THSD7A: variants seen among roughly 807,000 people sequenced by gnomAD.
The protein encoded by THSD7A is thrombospondin type 1 domain containing 7A, also known as thrombospondin type-1 domain-containing protein 7A.
THSD7A carries 96 observed loss-of-function variants against 231.3 expected under a neutral mutation model. The observed-to-expected ratio is 0.41, with a 90% confidence interval of 0.35 to 0.49. The LOEUF (loss-of-function observed/expected upper bound fraction) is 0.49, where lower values mean the gene tolerates loss of function less well. Ranked by LOEUF, THSD7A falls within the 20% of genes least tolerant of loss-of-function variation. The probability of loss-of-function intolerance (pLI) is 0.05; values close to 1 mark genes in which losing one functional copy is unlikely to be tolerated. For synonymous variants in THSD7A, 940 were observed against 743.3 expected, an observed-to-expected ratio of 1.26 and a Z score of -4.30; for missense variants, 2,290 against 2,070.2, an observed-to-expected ratio of 1.11 and a Z score of -2.06.
chr7:11,668,372 C>T (rs920195961), intron 1 of THSD7A, among the ~76,000 whole-genome samples: 3 of 151,304 alleles, frequency 2.0e-5, no homozygotes, highest in South Asian at 2.1e-4. Context: ...GAGCCAAGAT[C>T]GTGCCATTGC....
chr7:11,782,003 C>T (rs2128174960), intron 1 of THSD7A, among the ~76,000 whole-genome samples: 1 of 152,070 alleles, frequency 6.6e-6, no homozygotes, highest in East Asian at 1.9e-4. Flanking sequence ...CTAATTGTAC[C>T]CCTCCCCCTA....
intron 1 of THSD7A, among the ~76,000 whole-genome samples, chr7:11,736,984 A>G (rs573037710): frequency 2.0e-5 from 3 of 151,920 alleles, no homozygotes; most frequent in Non-Finnish European, 2.9e-5. Context: ...CTGGGCTCTC[A>G]TTCTTCTCTC....
In THSD7A at chr7:11,763,100, A is replaced by C. The variant is rs566584581; in HGVS notation, c.190+68657T>G. On this transcript the variant is annotated intron_variant, in intron 1 of 27. Transcript: ENST00000423059. ...CTATCACTGACCAGAAAAAGACAAA[A>C]GCTAACAACCCCCCACACTTTGCCA... is the stretch of plus-strand genomic sequence containing the variant. Among the ~76,000 whole-genome samples the C allele has an allele frequency of 1.9e-4, 29 of 152,310 alleles. No homozygotes were observed. The South Asian group carries it at 5.2e-3, about 27-fold the overall frequency.
chr7:11,675,417 G>A (rs924039570), intron 1 of THSD7A, among the ~76,000 whole-genome samples: 6 of 152,014 alleles, frequency 3.9e-5, no homozygotes, highest in African/African-American at 1.5e-4. Context: ...GAGACAGAAC[G>A]GTTCACTCCC....
intron 11 of THSD7A, among the ~76,000 whole-genome samples, chr7:11,456,406 T>A (rs1352259258): frequency 1.3e-5 from 2 of 152,080 alleles, no homozygotes; most frequent in Non-Finnish European, 2.9e-5. Context: ...ATTTCATCCT[T>A]AAAGGCAGAT....
rs138737370 is a variant in THSD7A at position 11,474,295 on chromosome 7, T to A, written c.2252+39A>T. On this transcript the variant is annotated intron_variant, in intron 8 of 27. Coordinates refer to ENST00000423059, the MANE Select transcript of THSD7A (RefSeq NM_015204.3). The surrounding 1 kb of genome is among the most constrained non-coding windows in gnomAD (Gnocchi z 4.1). ...AGCCTGAGCCAATCCTCTGCACAGG[T>A]GGCTACACGATTTACTGTTGTCATT... 1 of 1,545,722 alleles carries A rather than the reference T, an allele frequency of 6.5e-7. No individual in the cohort carries two copies. Among genetic ancestry groups the A allele is most frequent in the South Asian group, 1.2e-5 (1 of 82,594 alleles).
chr7:11,373,183 T>C lies in THSD7A; in HGVS notation c.*2611A>G, dbSNP rs531886074. On this transcript the variant is annotated 3_prime_UTR_variant, in exon 28 of 28. Coordinates refer to ENST00000423059, the MANE Select transcript of THSD7A (RefSeq NM_015204.3). ...TTTTGATTTGCTAATTTAATTCTTA[T>C]AGGTAGGATGATACTAATCTTTTCT... 1.3e-5 allele frequency: 2 copies of C among 152,136 alleles called. No individual in the cohort carries two copies. Among genetic ancestry groups the C allele is most frequent in the South Asian group, 4.1e-4 (2 of 4,820 alleles). 9.4% of individuals were successfully genotyped at this position (152,136 alleles called of 1,614,324 possible).
intron 1 of THSD7A, among the ~76,000 whole-genome samples, chr7:11,771,971 G>T (rs907599591): frequency 6.6e-6 from 1 of 152,184 alleles, no homozygotes; most frequent in Admixed American, 6.5e-5. Context: ...CGCCATGGTT[G>T]AAAGTTTGCT....
intron 1 of THSD7A, among the ~76,000 whole-genome samples, chr7:11,769,138 TATATATATATATATA>T (rs1400173716): frequency 8.4e-5 from 5 of 59,280 alleles, no homozygotes; most frequent in Non-Finnish European, 1.4e-4. Flanking sequence ...TATATATATA[TATATATATATATATA>T]TTTTTTTTTT....
intron 4 of THSD7A, among the ~76,000 whole-genome samples, chr7:11,569,752 A>C (rs1022249502): frequency 4.6e-5 from 7 of 152,258 alleles, no homozygotes; most frequent in Non-Finnish European, 8.8e-5. Context: ...CACTATTTAT[A>C]GCCAAGATTT....
At chr7:11,485,729 G>A (rs1387368450) in intron 6 of THSD7A, among the ~76,000 whole-genome samples, 1 of 152,130 alleles carries the variant, frequency 6.6e-6, no homozygotes, top group East Asian at 1.9e-4. Context: ...GTAAATAATA[G>A]ATAAGGCTTT....
intron 1 of THSD7A, among the ~76,000 whole-genome samples, chr7:11,689,904 T>C (rs1300928086): frequency 1.3e-5 from 2 of 149,776 alleles, no homozygotes; most frequent in Admixed American, 1.3e-4. Flanking sequence ...CACATTAAAT[T>C]CAAATCTTTA....
chr7:11,441,955 CAT>C (rs1784819992), intron 13 of THSD7A, among the ~76,000 whole-genome samples: 1 of 151,928 alleles, frequency 6.6e-6, no homozygotes, highest in African/African-American at 2.4e-5. Flanking sequence ...AGGTTCTGCA[CAT>C]GTTTCCCAGA....
chr7:11,711,700 C>A lies in THSD7A; in HGVS notation c.191-74739G>T, dbSNP rs114054572. Among the ~76,000 whole-genome samples the A allele has an allele frequency of 8.4e-3, 1,273 of 151,218 alleles. 16 individuals carry two copies. The highest frequency in any genetic ancestry group is 0.029 in the African/African-American group (1,203 of 41,448). Reference sequence around the variant, plus strand: ...CTGGTTACTTCCCAGTGAGAACTGGCAGAAGTATGTAACTTCATAGAAAAC... The same window carrying A: ...CTGGTTACTTCCCAGTGAGAACTGGAAGAAGTATGTAACTTCATAGAAAAC... On this transcript the variant is annotated intron_variant, in intron 1 of 27. Transcript: ENST00000423059.
intron 1 of THSD7A, among the ~76,000 whole-genome samples, chr7:11,705,013 TAA>T: frequency 6.6e-6 from 1 of 151,282 alleles, no homozygotes; most frequent in African/African-American, 2.4e-5. Flanking sequence ...ACGTCAGAAC[TAA>T]GTGTCTTTTA....
intron 4 of THSD7A, among the ~76,000 whole-genome samples, chr7:11,556,278 T>G (rs947074162): frequency 1.3e-5 from 2 of 151,306 alleles, no homozygotes; most frequent in Non-Finnish European, 3.0e-5. Context: ...GTCATATATA[T>G]GGGTGTGTAT....
intron 2 of THSD7A, among the ~76,000 whole-genome samples, chr7:11,593,848 T>C (rs548275164): frequency 1.8e-4 from 28 of 152,354 alleles, no homozygotes; most frequent in African/African-American, 5.5e-4. Context: ...TGTTAACATA[T>C]GCTAATTTCC....
At chr7:11,644,255 G>C (rs1782200816) in intron 1 of THSD7A, among the ~76,000 whole-genome samples, 1 of 151,888 alleles carries the variant, frequency 6.6e-6, no homozygotes, top group East Asian at 1.9e-4. Context: ...TTAAATGTCT[G>C]TCTTAAAATA....
intron 6 of THSD7A, among the ~76,000 whole-genome samples, chr7:11,511,037 T>C (rs1351676872): frequency 6.6e-6 from 1 of 152,126 alleles, no homozygotes; most frequent in Admixed American, 6.5e-5. Context: ...GAAAACCCCA[T>C]CGTCTCAGCC....
Sources: allele counts gnomAD v4.1 joint callset (sites outside exome capture counted in the v4.1 genomes callset), GRCh38; gene constraint gnomAD v4.1.1; non-coding constraint Gnocchi (gnomAD v3.1); transcripts MANE v1.5; gene names NCBI Gene and HGNC (gene_info 2026-07-23, HGNC 2026-07-21).